ESRP1: variants seen among roughly 807,000 people sequenced by gnomAD.
The protein encoded by ESRP1 is RNA-binding motif protein 35A.
ESRP1 carries 33 observed loss-of-function variants against 81.7 expected under a neutral mutation model. The ratio of observed to expected loss-of-function variants is 0.40; its 90% CI spans 0.31 to 0.54. The LOEUF is 0.54. Ranked by LOEUF, ESRP1 falls within the 20% of genes least tolerant of loss-of-function variation. ESRP1 has a pLI of 0.41. For synonymous variants in ESRP1, 320 were observed against 303.3 expected (o/e 1.06, Z -0.57); for missense variants, 672 against 833.1 (o/e 0.81, Z 2.38).
intron 4 of ESRP1, among the ~76,000 whole-genome samples, chr8:94,647,939 C>A (rs532652329): frequency 1.8e-4 from 27 of 152,132 alleles, no homozygotes; most frequent in African/African-American, 6.3e-4. Flanking sequence ...ACCAGGAGTG[C>A]TGACACCAGC....
chr8:94,668,212 A>C lies in ESRP1; in HGVS notation c.1195A>C (p.Ile399Leu), dbSNP rs907066881. The C allele has an allele frequency of 6.2e-7, 1 of 1,610,540 alleles. No homozygotes were observed. The highest frequency in any genetic ancestry group is 1.3e-5 in the African/African-American group (1 of 74,894). The change falls in exon 10 of 16, where the codon ATT becomes CTT. Residue 399 changes from isoleucine (I) to leucine (L), a missense_variant. Ile to Leu is a conservative substitution (Grantham distance 5). Transcript: ENST00000433389. ...KHKDLLGKRY[I>L]ELFRSTAAEV... ...TAAAGACTTGTTGGGTAAAAGATAC[A>C]TTGAACTCTTCAGGAGCACAGCAGC...
At chr8:94,695,624 A>C (rs369841280) in intron 14 of ESRP1, among the ~76,000 whole-genome samples, 3 of 151,974 alleles carry the variant, frequency 2.0e-5, no homozygotes, top group East Asian at 1.9e-4. Flanking sequence ...TGGCATCCCA[A>C]AGTGCTAGGA....
chr8:94,694,322 G>C (rs1017167860), intron 14 of ESRP1, among the ~76,000 whole-genome samples: 1 of 152,162 alleles, frequency 6.6e-6, no homozygotes, highest in Admixed American at 6.5e-5. Flanking sequence ...TATTAAGAGT[G>C]TTGGCCAGGC....
intron 14 of ESRP1, among the ~76,000 whole-genome samples, chr8:94,694,396 C>T (rs1809516547): frequency 6.6e-6 from 1 of 152,128 alleles, no homozygotes; most frequent in African/African-American, 2.4e-5. Context: ...CACTTGAAGT[C>T]AGGAGTTCAA....
chr8:94,641,821 C>A (rs1188211940), intron 1 of ESRP1, 135 bp from the exon 2 acceptor site: 2 of 1,386,762 alleles, frequency 1.4e-6, no homozygotes, highest in South Asian at 2.9e-5. Flanking sequence ...GAACCGATGG[C>A]GAGTCGAGAG....
Position 94,692,859 on chromosome 8 carries a change from G to T in ESRP1, c.1971+32G>T, listed in dbSNP as rs781649292. The T allele has an allele frequency of 1.9e-6, 3 of 1,599,788 alleles. No homozygotes were observed. The South Asian group carries it at 3.4e-5, about 18-fold the overall frequency. ...AGCTTGAAGGAGAATAATCCTCAGTGCCCTTATTACTTAAGTTGATTTGCC... is the reference window on the plus strand; with the variant it reads ...AGCTTGAAGGAGAATAATCCTCAGTTCCCTTATTACTTAAGTTGATTTGCC... On this transcript the variant is annotated intron_variant, in intron 14 of 15. Coordinates refer to ENST00000433389, the MANE Select transcript of ESRP1 (RefSeq NM_017697.4).
In ESRP1 at chr8:94,641,414, G is replaced by A. The variant is rs1817582314; in HGVS notation, c.96G>A (p.Leu32=). 6.2e-7 allele frequency: 1 copy of A among 1,613,908 alleles called. No homozygotes were observed. The highest frequency in any genetic ancestry group is 8.5e-7 in the Non-Finnish European group (1 of 1,179,886). Residue 32 remains leucine, a synonymous_variant, in exon 1 of 16, where the codon CTG becomes CTA. Transcript: ENST00000433389. ...GCTCGGATGAGAAGGAGTTGATCCT[G>A]CTGTTCTGGAAAGTCGTGGATCTGG... is the stretch of plus-strand genomic sequence containing the variant. The part of the protein sequence containing the change: ...KLGSDEKELI[L]LFWKVVDLAN...
intron 12 of ESRP1, among the ~76,000 whole-genome samples, chr8:94,676,349 CAA>C (rs10652320): frequency 9.1e-5 from 11 of 120,718 alleles, no homozygotes; most frequent in Admixed American, 2.6e-4. Context: ...GACTCAGTCT[CAA>C]AAAAAAAAAA....
At chr8:94,646,374 G>A (rs1817852044) in intron 4 of ESRP1, 92 bp downstream of exon 4, 4 of 859,028 alleles carry the variant, frequency 4.7e-6, no homozygotes, top group Non-Finnish European at 5.3e-6. Context: ...AATTTTGTCA[G>A]CATATGGATA....
At chr8:94,705,823 C>T (rs1563555701) in intron 15 of ESRP1, 102 bp from the exon 16 acceptor site, 2 of 1,104,890 alleles carry the variant, frequency 1.8e-6, no homozygotes, top group African/African-American at 1.6e-5. Flanking sequence ...TTTTTTTCCA[C>T]AAAGTCCTTG....
intron 14 of ESRP1, among the ~76,000 whole-genome samples, chr8:94,694,590 C>T (rs892635732): frequency 1.3e-5 from 2 of 152,102 alleles, no homozygotes; most frequent in South Asian, 2.1e-4. Context: ...GGTGACAGAA[C>T]GAGACTCTGT....
In ESRP1 at chr8:94,665,110, A is replaced by C. The variant is rs1818953824; in HGVS notation, c.889-44A>C. The C allele has an allele frequency of 3.7e-6, 6 of 1,613,730 alleles. No homozygotes were observed. The East Asian group carries it at 1.3e-4, about 36-fold the overall frequency. On this transcript the variant is annotated intron_variant, in intron 8 of 15. Coordinates refer to ENST00000433389, the MANE Select transcript of ESRP1 (RefSeq NM_017697.4). ...GGACATCGTGAATGAGAATTAACATAGGACGGAAGGCTCAGAAACACTAAC... is the reference window on the plus strand; with the variant it reads ...GGACATCGTGAATGAGAATTAACATCGGACGGAAGGCTCAGAAACACTAAC...
At position 94,661,262 on chromosome 8, in the gene ESRP1, G is replaced by A. The variant is rs189878847; in HGVS notation, c.491-1010G>A. Among the ~76,000 whole-genome samples, 30 of 152,146 alleles carry A rather than the reference G, an allele frequency of 2.0e-4. No homozygotes were observed. The East Asian group carries it at 4.6e-3, about 23-fold the overall frequency. On this transcript the variant is annotated intron_variant, in intron 4 of 15. Coordinates refer to ENST00000433389, the MANE Select transcript of ESRP1 (RefSeq NM_017697.4). ...CACCATATTGGCCAGGCTTGGTCTCGAACTCCTGGTCTCAAGAGATCCTCC... is the reference window on the plus strand; with the variant it reads ...CACCATATTGGCCAGGCTTGGTCTCAAACTCCTGGTCTCAAGAGATCCTCC...
intron 13 of ESRP1, among the ~76,000 whole-genome samples, chr8:94,691,405 TA>T (rs1441557817): frequency 6.6e-6 from 1 of 152,214 alleles, no homozygotes; most frequent in East Asian, 1.9e-4. Flanking sequence ...CCATTATTTT[TA>T]AAATGATGAA....
intron 4 of ESRP1, among the ~76,000 whole-genome samples, chr8:94,658,007 G>A (rs1818522479): frequency 6.6e-6 from 1 of 152,146 alleles, no homozygotes; most frequent in African/African-American, 2.4e-5. Context: ...TGCCTCCAGG[G>A]TTCAAGCGAT....
chr8:94,705,877 G>C (rs1165669725), intron 15 of ESRP1, 48 bp from the exon 16 acceptor site: 13 of 1,445,252 alleles, frequency 9.0e-6, no homozygotes, highest in Non-Finnish European at 1.2e-5. Context: ...ATGACATTTA[G>C]AGACTATAAC....
At position 94,663,106 on chromosome 8, in the gene ESRP1, A is replaced by G. The variant is rs1187138995; in HGVS notation, c.644+551A>G. Among the ~76,000 whole-genome samples, 4 of 152,322 alleles carry G rather than the reference A, an allele frequency of 2.6e-5. No individual in the cohort carries two copies. In the South Asian group the frequency reaches 6.2e-4, roughly 24 times the overall value. ...CTGACCTTAAGTATATTATATGCTC[A>G]TATCTGTGATTGTTATTTTGGTCTC... On this transcript the variant is annotated intron_variant, in intron 6 of 15. Coordinates refer to ENST00000433389, the MANE Select transcript of ESRP1 (RefSeq NM_017697.4).
At chr8:94,662,012 T>C (rs572933785) in intron 4 of ESRP1, among the ~76,000 whole-genome samples, 7 of 152,354 alleles carry the variant, frequency 4.6e-5, no homozygotes, top group Non-Finnish European at 1.0e-4. Flanking sequence ...AAATGCTCAG[T>C]ATTCATTTGC....
chr8:94,685,238 G>T (rs1406042449), intron 13 of ESRP1, among the ~76,000 whole-genome samples: 2 of 151,876 alleles, frequency 1.3e-5, no homozygotes, highest in African/African-American at 4.8e-5. Flanking sequence ...TTGATGTGGT[G>T]GGCATCTTGG....
Sources: gnomAD v4.1 joint callset for allele counts (sites outside exome capture counted in the v4.1 genomes callset) on GRCh38, gnomAD v4.1.1 for gene constraint, MANE v1.5 for transcripts, NCBI Gene and HGNC (gene_info 2026-07-23, HGNC 2026-07-21) for gene names.